Variants in ALDH1A2 observed in about 807,000 individuals in gnomAD.
ALDH1A2 encodes retinal dehydrogenase 2.
In ALDH1A2, 27 loss-of-function variants were observed where a neutral mutation model predicts 60.3. That is an observed-to-expected ratio of 0.45 (90% CI 0.33 to 0.62). The LOEUF is 0.62. Ranked by LOEUF, ALDH1A2 falls within the 20% of genes least tolerant of loss-of-function variation. The probability of loss-of-function intolerance (pLI) is 0.02; values close to 1 mark genes in which losing one functional copy is unlikely to be tolerated. For synonymous variants in ALDH1A2, 289 were observed against 232.4 expected, an observed-to-expected ratio of 1.24 and a Z score of -2.21; for missense variants, 581 against 643.8, an observed-to-expected ratio of 0.90 and a Z score of 1.06.
chr15:57,965,884 G>A (rs550273541), intron 7 of ALDH1A2, 57 bp from the exon 8 acceptor site: 26 of 1,337,740 alleles, frequency 1.9e-5, no homozygotes, highest in African/African-American at 5.7e-5. Context: ...GACAGTCACC[G>A]GCCAATGCCA....
intron 7 of ALDH1A2, among the ~76,000 whole-genome samples, chr15:57,978,685 G>T (rs749744121): frequency 6.6e-6 from 1 of 152,216 alleles, no homozygotes; most frequent in East Asian, 1.9e-4. Context: ...GTGGCCGGGG[G>T]AGATGGAGCA....
chr15:57,957,292 C>T (rs1179127469), intron 12 of ALDH1A2, among the ~76,000 whole-genome samples: 1 of 152,122 alleles, frequency 6.6e-6, no homozygotes, highest in African/African-American at 2.4e-5. Flanking sequence ...ATAAGTATCA[C>T]CCAAAGAGCT....
intron 1 of ALDH1A2, among the ~76,000 whole-genome samples, chr15:58,032,496 AAAGTAT>A (rs1164263826): frequency 6.6e-6 from 1 of 152,194 alleles, no homozygotes; most frequent in Admixed American, 6.5e-5. Context: ...CCTAAAACTT[AAAGTAT>A]AATTTTAAAA....
In ALDH1A2 at chr15:58,012,845, C is replaced by T. The variant is rs563968469; in HGVS notation, c.363+1013G>A. 7.2e-5 allele frequency among the ~76,000 whole-genome samples: 11 copies of T among 152,110 alleles called. 1 individual carries two copies. In the South Asian group the frequency reaches 2.3e-3, roughly 32 times the overall value. On this transcript the variant is annotated intron_variant, in intron 3 of 12. Coordinates refer to ENST00000249750, the MANE Select transcript of ALDH1A2 (RefSeq NM_003888.4). ...GCAAGCCCAATAGTGACCTATTTTC[C>T]CAAGTAGGGGAAAGGATATAGTACT...
At position 58,004,673 on chromosome 15, in the gene ALDH1A2, G is replaced by A. The variant is rs185763532; in HGVS notation, c.493+5976C>T. Among the ~76,000 whole-genome samples, 27 of 145,750 alleles carry A rather than the reference G, an allele frequency of 1.9e-4. No homozygotes were observed. In the East Asian group the frequency reaches 5.5e-3, roughly 30 times the overall value. On this transcript the variant is annotated intron_variant, in intron 4 of 12. Coordinates refer to ENST00000249750, the MANE Select transcript of ALDH1A2 (RefSeq NM_003888.4). The stretch of plus-strand genomic sequence containing the variant: ...AAGAAATGATTTCATAATTTTTATG[G>A]CTGTGTAGTATCCCATGATTTGTGT...
In ALDH1A2 at chr15:57,999,671, G is replaced by A. The variant is rs919454634; in HGVS notation, c.494-4532C>T. Among the ~76,000 whole-genome samples the A allele has an allele frequency of 1.6e-4, 25 of 151,912 alleles. No individual in the cohort carries two copies. The East Asian group carries it at 3.3e-3, about 20-fold the overall frequency. ...ACAGTGTGGCAATTCCTCAAAGACC[G>A]AGAACCAGAAATACCATTTTACCCA... On this transcript the variant is annotated intron_variant, in intron 4 of 12. Transcript: ENST00000249750.
chr15:58,043,205 G>T (rs779047392), intron 1 of ALDH1A2, among the ~76,000 whole-genome samples: 2 of 151,904 alleles, frequency 1.3e-5, no homozygotes, highest in Non-Finnish European at 2.9e-5. Context: ...CTTGTTTCCA[G>T]GCTCTTGACA....
chr15:57,970,072 A>G (rs1467696824), intron 7 of ALDH1A2, among the ~76,000 whole-genome samples: 1 of 152,244 alleles, frequency 6.6e-6, no homozygotes, highest in Non-Finnish European at 1.5e-5. Context: ...AAAAAGACAG[A>G]CAGGACTCCT....
intron 7 of ALDH1A2, among the ~76,000 whole-genome samples, chr15:57,985,497 C>A (rs1471330407): frequency 1.3e-5 from 2 of 152,128 alleles, no homozygotes; most frequent in Admixed American, 6.5e-5. Flanking sequence ...TATTATTAAA[C>A]CAATTTTGTA....
chr15:57,970,611 CCTGAA>C, intron 7 of ALDH1A2, among the ~76,000 whole-genome samples: 1 of 152,242 alleles, frequency 6.6e-6, no homozygotes, highest in East Asian at 1.9e-4. Flanking sequence ...GCAGTTGCTC[CCTGAA>C]CACAGTTTCT....
At chr15:58,019,982 C>T (rs538076886) in intron 1 of ALDH1A2, among the ~76,000 whole-genome samples, 1 of 151,668 alleles carries the variant, frequency 6.6e-6, no homozygotes, top group South Asian at 2.1e-4. Flanking sequence ...CTCCCTCCGC[C>T]CACCCCCTCC....
intron 1 of ALDH1A2, among the ~76,000 whole-genome samples, chr15:58,047,266 T>C (rs1462829171): frequency 6.6e-6 from 1 of 152,054 alleles, no homozygotes; most frequent in Non-Finnish European, 1.5e-5. Flanking sequence ...ATGCTTCAAA[T>C]GATTTGTATT....
chr15:57,961,420 G>A, intron 10 of ALDH1A2, 126 bp from the exon 11 acceptor site: 1 of 1,192,808 alleles, frequency 8.4e-7, no homozygotes, highest in East Asian at 2.5e-5. Context: ...GTACAAAACT[G>A]TAAAATCTCC....
At chr15:58,043,420 A>G (rs914161067) in intron 1 of ALDH1A2, among the ~76,000 whole-genome samples, 2 of 152,028 alleles carry the variant, frequency 1.3e-5, no homozygotes, top group African/African-American at 4.8e-5. Context: ...TGGGCGCTCA[A>G]TAAGAAAGTG....
intron 4 of ALDH1A2, among the ~76,000 whole-genome samples, chr15:58,000,851 T>C (rs144106222): frequency 1.3e-5 from 2 of 151,942 alleles, no homozygotes; most frequent in African/African-American, 2.4e-5. Flanking sequence ...GACCACACTC[T>C]GAGTAGCAAG....
rs146327521 is a variant in ALDH1A2 at position 58,014,931 on chromosome 15, G to C, written c.118-650C>G. ...ATGATCACCCCAGGATTTCTTAAAA[G>C]GCTTGGTCTCCCTATGTATGAAATT... On this transcript the variant is annotated intron_variant, in intron 1 of 12. Coordinates refer to ENST00000249750, the MANE Select transcript of ALDH1A2 (RefSeq NM_003888.4). Among the ~76,000 whole-genome samples, 650 of 152,256 alleles carry C rather than the reference G, an allele frequency of 4.3e-3. 9 individuals carry two copies. Among genetic ancestry groups the C allele is most frequent in the African/African-American group, 0.015 (606 of 41,538 alleles).
intron 1 of ALDH1A2, among the ~76,000 whole-genome samples, chr15:58,062,513 A>C (rs575086130): frequency 6.6e-6 from 1 of 152,334 alleles, no homozygotes; most frequent in South Asian, 2.1e-4. Flanking sequence ...ACAAAATTAT[A>C]AAAGTCAGAC....
intron 1 of ALDH1A2, among the ~76,000 whole-genome samples, chr15:58,021,774 T>G (rs1180055381): frequency 6.6e-6 from 1 of 152,250 alleles, no homozygotes; most frequent in Non-Finnish European, 1.5e-5. Flanking sequence ...GGAGTGCTCC[T>G]GTAGCCAAGG....
At position 58,025,391 on chromosome 15, in the gene ALDH1A2, T is replaced by C. The variant is rs564859973; in HGVS notation, c.118-11110A>G. Among the ~76,000 whole-genome samples the C allele has an allele frequency of 7.2e-5, 11 of 152,112 alleles. No homozygotes were observed. In the South Asian group the frequency reaches 8.3e-4, roughly 11 times the overall value. On this transcript the variant is annotated intron_variant, in intron 1 of 12. Coordinates refer to ENST00000249750, the MANE Select transcript of ALDH1A2 (RefSeq NM_003888.4). The stretch of plus-strand genomic sequence containing the variant: ...ACAGTAATCTCTGAAGAACTACACA[T>C]TGACAAACTGAAAAACCTAGGGGAG...
Sources: gnomAD v4.1 joint callset for allele counts (sites outside exome capture counted in the v4.1 genomes callset) on GRCh38, gnomAD v4.1.1 for gene constraint, MANE v1.5 for transcripts, NCBI Gene and HGNC (gene_info 2026-07-23, HGNC 2026-07-21) for gene names.